Variants in PHACTR4 observed in about 807,000 individuals in gnomAD.
PHACTR4 encodes the protein protein phosphatase 1, regulatory subunit 124.
Under a neutral mutation model 72.7 loss-of-function variants are expected in PHACTR4, and 51 were observed. The observed-to-expected ratio is 0.70, with a 90% CI of 0.56 to 0.89. PHACTR4 has a LOEUF of 0.89. Ranked by LOEUF, PHACTR4 falls within the 40% of genes least tolerant of loss-of-function variation. The pLI, the probability that PHACTR4 is intolerant of heterozygous loss-of-function variation, is 0.00. For missense variants in PHACTR4, 731 were observed against 861.8 expected (o/e 0.85, Z 1.90); for synonymous variants, 255 against 302.5 (o/e 0.84, Z 1.63).
chr1:28,409,124 C>CT (rs564622352), intron 2 of PHACTR4, among the ~76,000 whole-genome samples: 13,877 of 133,034 alleles, frequency 0.1, 1,363 homozygotes, highest in African/African-American at 0.26. Context: ...TTCTTTCTTT[C>CT]TTTTTTTTTT....
intron 2 of PHACTR4, among the ~76,000 whole-genome samples, chr1:28,443,723 G>C (rs761862932): frequency 6.6e-6 from 1 of 152,092 alleles, no homozygotes; most frequent in Non-Finnish European, 1.5e-5. Flanking sequence ...CCAAAGTGCT[G>C]GGATTACAGT....
chr1:28,463,968 C>T (rs1227763245), intron 4 of PHACTR4, among the ~76,000 whole-genome samples: 5 of 151,828 alleles, frequency 3.3e-5, no homozygotes, highest in Non-Finnish European at 5.9e-5. Flanking sequence ...TTGGGCTCAA[C>T]GATCCTCCCG....
At chr1:28,459,290 A>C in intron 3 of PHACTR4, 32 bp downstream of exon 3, 1 of 1,579,958 alleles carries the variant, frequency 6.3e-7, no homozygotes, top group Non-Finnish European at 8.7e-7. Context: ...GTGTGTTCTG[A>C]GTTAGAATTC....
At chr1:28,456,771 C>T (rs556638268) in intron 2 of PHACTR4, among the ~76,000 whole-genome samples, 3 of 152,154 alleles carry the variant, frequency 2.0e-5, no homozygotes, top group Admixed American at 2.0e-4. Context: ...TGCCTGTAAT[C>T]TCAGCTACTC....
intron 6 of PHACTR4, among the ~76,000 whole-genome samples, chr1:28,468,301 A>G (rs1659339919): frequency 6.6e-6 from 1 of 152,166 alleles, no homozygotes; most frequent in South Asian, 2.1e-4. Context: ...GACTCATTCA[A>G]GGTTGTAGGC....
At chr1:28,484,253 A>T (rs1660478241) in intron 9 of PHACTR4, among the ~76,000 whole-genome samples, 1 of 152,046 alleles carries the variant, frequency 6.6e-6, no homozygotes, top group African/African-American at 2.4e-5. Flanking sequence ...CCCAGGAGGC[A>T]GAGGTTTCAG....
At chr1:28,465,543 G>C in intron 4 of PHACTR4, 142 bp from the exon 5 acceptor site, 1 of 759,176 alleles carries the variant, frequency 1.3e-6, no homozygotes. Context: ...TTGAGCCCAG[G>C]AGTTCAAGAC....
chr1:28,384,889 C>T (rs984578091), intron 1 of PHACTR4, among the ~76,000 whole-genome samples: 5 of 152,046 alleles, frequency 3.3e-5, no homozygotes, highest in Non-Finnish European at 5.9e-5. Flanking sequence ...GAGACTCTAT[C>T]TCAAAAAATA....
intron 1 of PHACTR4, among the ~76,000 whole-genome samples, chr1:28,399,101 C>T (rs944499600): frequency 2.6e-5 from 4 of 152,078 alleles, no homozygotes; most frequent in African/African-American, 9.7e-5. Context: ...CACCAGAGGT[C>T]AGGAGTTCAA....
intron 2 of PHACTR4, chr1:28,438,296 TC>T: frequency 6.5e-7 from 1 of 1,548,980 alleles, no homozygotes; most frequent in Non-Finnish European, 8.7e-7. Flanking sequence ...GGACCGCATG[TC>T]CCCTCTTTAT....
intron 2 of PHACTR4, among the ~76,000 whole-genome samples, chr1:28,448,554 C>A (rs1657649583): frequency 7.0e-6 from 1 of 143,658 alleles, no homozygotes; most frequent in Non-Finnish European, 1.5e-5. Context: ...AGATCGAGAC[C>A]ATCCTGGCTA....
At chr1:28,491,502 T>G in intron 11 of PHACTR4, 148 bp from the exon 12 acceptor site, 1 of 1,045,032 alleles carries the variant, frequency 9.6e-7, no homozygotes, top group Non-Finnish European at 1.4e-6. Flanking sequence ...CCATAATCAC[T>G]GGGGGTGGGA....
At chr1:28,389,415 C>A (rs969271447) in intron 1 of PHACTR4, among the ~76,000 whole-genome samples, 2 of 148,554 alleles carry the variant, frequency 1.3e-5, no homozygotes, top group African/African-American at 2.5e-5. Flanking sequence ...CAAGTGTTGG[C>A]AAGGATGTGG....
At chr1:28,443,037 G>A (rs1216910656) in intron 2 of PHACTR4, among the ~76,000 whole-genome samples, 1 of 152,062 alleles carries the variant, frequency 6.6e-6, no homozygotes, top group Non-Finnish European at 1.5e-5. Flanking sequence ...TTATCTAGCT[G>A]TAATTTTGTA....
intron 13 of PHACTR4, 76 bp downstream of exon 13, chr1:28,493,167 A>G (rs1220005140): frequency 1.7e-6 from 2 of 1,209,528 alleles, no homozygotes; most frequent in African/African-American, 1.5e-5. Flanking sequence ...GAAGGGCTCT[A>G]ATGACATCAG....
At chr1:28,484,111 T>C (rs2124533370) in intron 9 of PHACTR4, among the ~76,000 whole-genome samples, 1 of 151,986 alleles carries the variant, frequency 6.6e-6, no homozygotes. Flanking sequence ...TCACATGAGA[T>C]CAGGAGTTCC....
chr1:28,448,387 AAAAAG>A (rs1045639369), intron 2 of PHACTR4, among the ~76,000 whole-genome samples: 6 of 150,698 alleles, frequency 4.0e-5, no homozygotes, highest in African/African-American at 7.4e-5. Flanking sequence ...TGTTTCAAAA[AAAAAG>A]AAAAGAAAAG....
At chr1:28,445,073 G>A (rs1008604377) in intron 2 of PHACTR4, among the ~76,000 whole-genome samples, 5 of 151,738 alleles carry the variant, frequency 3.3e-5, no homozygotes, top group Non-Finnish European at 5.9e-5. Flanking sequence ...CTCTGCCTCA[G>A]CCTCCTGAGT....
chr1:28,466,960 A>G, intron 6 of PHACTR4, 192 bp downstream of exon 6: 3 of 735,546 alleles, frequency 4.1e-6, no homozygotes, highest in Non-Finnish European at 6.3e-6. Context: ...CACGCCTGTA[A>G]TCCCAGCACT....
Sources: allele counts gnomAD v4.1 joint callset (sites outside exome capture counted in the v4.1 genomes callset), GRCh38; gene constraint gnomAD v4.1.1; transcripts MANE v1.5; gene names NCBI Gene and HGNC (gene_info 2026-07-23, HGNC 2026-07-21).